MEGF6: variants seen among roughly 807,000 people sequenced by gnomAD.
MEGF6 encodes the protein multiple EGF like domains 6.
A neutral mutation model predicts 207.1 loss-of-function variants in MEGF6; 184 were observed. The observed-to-expected ratio is 0.89, with a 90% CI of 0.79 to 1.00. The LOEUF is 1.00. Ranked by LOEUF, MEGF6 falls within the 50% of genes least tolerant of loss-of-function variation. The pLI, the probability that MEGF6 is intolerant of heterozygous loss-of-function variation, is 0.00. For missense variants in MEGF6, 2,282 were observed against 2,202.9 expected, an observed-to-expected ratio of 1.04 and a Z score of -0.72; for synonymous variants, 1,038 against 910.0, an observed-to-expected ratio of 1.14 and a Z score of -2.53.
At chr1:3,605,438 A>G (rs1489150957) in intron 1 of MEGF6, among the ~76,000 whole-genome samples, 1 of 151,978 alleles carries the variant, frequency 6.6e-6, no homozygotes, top group Non-Finnish European at 1.5e-5. Context: ...ACTCAAAATC[A>G]CACACCCTCA....
chr1:3,531,849 G>A (rs4648522), intron 4 of MEGF6, among the ~76,000 whole-genome samples: 65,582 of 151,558 alleles, frequency 0.43, 14,575 homozygotes, highest in East Asian at 0.59. Flanking sequence ...GGGGAGGGGG[G>A]CCTGCAGAGG....
intron 8 of MEGF6, 46 bp from the exon 9 acceptor site, chr1:3,511,733 G>T: frequency 6.3e-7 from 1 of 1,578,248 alleles, no homozygotes; most frequent in South Asian, 1.1e-5. Flanking sequence ...CGGCTAGGAT[G>T]ACCCCCACCT....
intron 4 of MEGF6, among the ~76,000 whole-genome samples, chr1:3,561,263 C>T (rs1643192082): frequency 6.6e-6 from 1 of 152,164 alleles, no homozygotes; most frequent in South Asian, 2.1e-4. Context: ...GGCTACGGGG[C>T]ACTCAGAGCT....
At chr1:3,541,061 G>A (rs755457409) in intron 4 of MEGF6, among the ~76,000 whole-genome samples, 16 of 152,334 alleles carry the variant, frequency 1.1e-4, no homozygotes, top group Middle Eastern at 6.8e-3. Context: ...GCGGGGTGGG[G>A]CCAGGCGCAG....
rs1196092023 is a variant in MEGF6, at chr1:3,556,877, G to A, written c.481+22948C>T. On this transcript the variant is annotated intron_variant, in intron 4 of 36. Transcript: ENST00000356575. This position sits in a 1 kb window ranked among gnomAD's most constrained non-coding sequence, Gnocchi z 4.4. ...TGGTGAGGCTGCCTCATGGTACAGG[G>A]GAGCCAGGGCTGTGGAAAGAACGAA... Among the ~76,000 whole-genome samples, 4 of 152,216 alleles carry A rather than the reference G, an allele frequency of 2.6e-5. No homozygotes were observed. The highest frequency in any genetic ancestry group is 2.1e-4 in the South Asian group (1 of 4,826).
upstream of MEGF6, among the ~76,000 whole-genome samples, chr1:3,612,799 G>A (rs1372775865): frequency 1.3e-5 from 2 of 152,148 alleles, no homozygotes; most frequent in African/African-American, 4.8e-5. Flanking sequence ...AGGGACAACA[G>A]TACCCCCAAC....
intron 4 of MEGF6, among the ~76,000 whole-genome samples, chr1:3,543,243 G>A (rs1642585426): frequency 6.6e-6 from 1 of 152,172 alleles, no homozygotes; most frequent in African/African-American, 2.4e-5. Context: ...AGTCATCACT[G>A]CAAGCAGGTT....
chr1:3,543,038 A>G (rs1642579326), intron 4 of MEGF6, among the ~76,000 whole-genome samples: 3 of 152,212 alleles, frequency 2.0e-5, no homozygotes, highest in Non-Finnish European at 1.5e-5. Context: ...TGGCAGAAGC[A>G]GTGGCAGGCA....
At chr1:3,607,383 G>A (rs559031185) in intron 1 of MEGF6, among the ~76,000 whole-genome samples, 41 of 152,270 alleles carry the variant, frequency 2.7e-4, no homozygotes, top group African/African-American at 8.7e-4. Context: ...CAGCCAGGCT[G>A]TGGTCCCTGA....
chr1:3,524,178 G>C lies in MEGF6; in HGVS notation c.550C>G (p.Leu184Val). The C allele has an allele frequency of 1.2e-6, 2 of 1,613,018 alleles. No homozygotes were observed. Among genetic ancestry groups the C allele is most frequent in the Non-Finnish European group, 1.7e-6 (2 of 1,179,926 alleles). Residue 184 changes from leucine to valine, a missense_variant, in exon 5 of 37, where the codon CTC (leucine) becomes GTC (valine). Leu to Val is a conservative substitution (Grantham distance 32). Coordinates refer to ENST00000356575, the MANE Select transcript of MEGF6 (RefSeq NM_001409.4). ...CGGAAGCCGGGCTTGCACTCACAGA[G>C]GTAGGAGCCTGGGGTGTTCACGCAC... ...HRCVNTPGSY[L>V]CECKPGFRLH... is the part of the protein sequence containing the mutation.
chr1:3,552,232 C>G (rs903912732), intron 4 of MEGF6, among the ~76,000 whole-genome samples: 1 of 152,258 alleles, frequency 6.6e-6, no homozygotes, highest in Non-Finnish European at 1.5e-5. Flanking sequence ...CACTCAACCC[C>G]GCCCACCAGG....
rs1480945022 is a variant in MEGF6 at position 3,560,661 on chromosome 1, A to T, written c.481+19164T>A. The T allele has an allele frequency of 2.3e-6, 1 of 444,434 alleles. No homozygotes were observed. Among genetic ancestry groups the T allele is most frequent in the Non-Finnish European group, 4.8e-6 (1 of 210,372 alleles). 27.5% of individuals were successfully genotyped at this position (444,434 alleles called of 1,614,324 possible). ...CGGGGTCCCTTCCCAGGCTTGGGGG[A>T]GGCTGGGTGCCATCAACCCCTCCCC... On this transcript the variant is annotated intron_variant, in intron 4 of 36. Transcript: ENST00000356575. This position sits in a 1 kb window ranked among gnomAD's most constrained non-coding sequence, Gnocchi z 4.0.
At chr1:3,543,353 C>T (rs931187433) in intron 4 of MEGF6, among the ~76,000 whole-genome samples, 6 of 152,252 alleles carry the variant, frequency 3.9e-5, no homozygotes, top group African/African-American at 1.4e-4. Context: ...CTGAGCAGCC[C>T]GAACCCTGCG....
chr1:3,566,652 C>A (rs771985872), intron 4 of MEGF6, among the ~76,000 whole-genome samples: 1 of 152,162 alleles, frequency 6.6e-6, no homozygotes, highest in African/African-American at 2.4e-5. Flanking sequence ...ACGCACTTCA[C>A]GCTATGAGCC....
chr1:3,581,690 G>C (rs554401221), intron 3 of MEGF6, among the ~76,000 whole-genome samples: 1 of 152,162 alleles, frequency 6.6e-6, no homozygotes. Context: ...CCCCCGGGTG[G>C]GGAGCAGGTG....
At chr1:3,550,068 C>A (rs1642836248) in intron 4 of MEGF6, among the ~76,000 whole-genome samples, 1 of 152,182 alleles carries the variant, frequency 6.6e-6, no homozygotes, top group Non-Finnish European at 1.5e-5. Context: ...GGGGAAGGCT[C>A]CATGCCCCCA....
At chr1:3,598,305 C>T (rs1172121003) in intron 2 of MEGF6, among the ~76,000 whole-genome samples, 1 of 152,226 alleles carries the variant, frequency 6.6e-6, no homozygotes, top group Non-Finnish European at 1.5e-5. Context: ...CAAGCGGGGC[C>T]AGTGGCCGGC....
intron 4 of MEGF6, among the ~76,000 whole-genome samples, chr1:3,525,058 G>A (rs1344965423): frequency 1.3e-5 from 2 of 152,216 alleles, no homozygotes; most frequent in African/African-American, 2.4e-5. Flanking sequence ...TAGCCACCCC[G>A]TTTGCGGTGT....
Position 3,498,869 on chromosome 1 carries a change from C to G in MEGF6, c.3095-43G>C, listed in dbSNP as rs565058784. On this transcript the variant is annotated intron_variant, in intron 24 of 36. Coordinates refer to ENST00000356575, the MANE Select transcript of MEGF6 (RefSeq NM_001409.4). ...GGAGCAACCTGCATCCCCCAGCCAG[C>G]TGGCCCCACAGGGTCTGTCTGGCTT... 153 of 1,541,284 alleles carry G rather than the reference C, an allele frequency of 9.9e-5. No individual in the cohort carries two copies. The South Asian group carries it at 1.7e-3, about 17-fold the overall frequency.
Sources: allele counts gnomAD v4.1 joint callset (sites outside exome capture counted in the v4.1 genomes callset), GRCh38; gene constraint gnomAD v4.1.1; non-coding constraint Gnocchi (gnomAD v3.1); transcripts MANE v1.5; gene names NCBI Gene and HGNC (gene_info 2026-07-23, HGNC 2026-07-21).